Variants in ADAMTSL1 observed in about 807,000 individuals in gnomAD.
ADAMTSL1 encodes ADAMTS-like protein 1.
ADAMTSL1 carries 126 observed loss-of-function variants against 201.8 expected under a neutral mutation model. The observed-to-expected ratio is 0.62, with a 90% CI of 0.54 to 0.72. ADAMTSL1 has a LOEUF of 0.72. ADAMTSL1 is among the 30% of genes least tolerant of loss of function. The probability of loss-of-function intolerance (pLI) is 0.00; values close to 1 mark genes in which losing one functional copy is unlikely to be tolerated. For synonymous variants in ADAMTSL1, 1,121 were observed against 903.4 expected, an observed-to-expected ratio of 1.24 and a Z score of -4.32; for missense variants, 2,679 against 2,277.8, an observed-to-expected ratio of 1.18 and a Z score of -3.59.
At chr9:17,963,373 G>A (rs534742696) in intron 1 of ADAMTSL1, among the ~76,000 whole-genome samples, 10 of 152,254 alleles carry the variant, frequency 6.6e-5, no homozygotes, top group African/African-American at 2.4e-4. Context: ...TGGACATTTT[G>A]AGGGGAAAGT....
intron 13 of ADAMTSL1, among the ~76,000 whole-genome samples, chr9:18,704,853 T>C (rs1237725671): frequency 6.6e-6 from 1 of 152,186 alleles, no homozygotes; most frequent in African/African-American, 2.4e-5. Context: ...TGAGATTTTC[T>C]TGGGATAATT....
At chr9:18,774,254 C>T (rs1820854299) in intron 17 of ADAMTSL1, among the ~76,000 whole-genome samples, 1 of 151,916 alleles carries the variant, frequency 6.6e-6, no homozygotes, top group Non-Finnish European at 1.5e-5. Flanking sequence ...TCATGTCACC[C>T]CCCTCTTCAG....
At chr9:18,296,272 C>G (rs770655509) in intron 2 of ADAMTSL1, among the ~76,000 whole-genome samples, 10 of 152,016 alleles carry the variant, frequency 6.6e-5, no homozygotes, top group Non-Finnish European at 1.5e-5. Context: ...AAAACATAAC[C>G]AAATATAATA....
intron 4 of ADAMTSL1, among the ~76,000 whole-genome samples, chr9:18,595,068 C>T (rs904204863): frequency 3.3e-5 from 5 of 152,160 alleles, no homozygotes; most frequent in African/African-American, 9.7e-5. Context: ...ACAAGTCTCA[C>T]AAATGCTCAG....
chr9:18,159,072 A>G (rs1453648531), intron 1 of ADAMTSL1, among the ~76,000 whole-genome samples: 3 of 152,060 alleles, frequency 2.0e-5, no homozygotes, highest in African/African-American at 4.8e-5. Context: ...GCATTTCAGT[A>G]TCCACTGATA....
At chr9:18,269,847 T>TC (rs890151196) in intron 2 of ADAMTSL1, among the ~76,000 whole-genome samples, 6 of 49,762 alleles carry the variant, frequency 1.2e-4, no homozygotes, top group Admixed American at 8.4e-4. Context: ...TCTTCATCCT[T>TC]TTTTTTTTTT....
At chr9:18,369,098 A>G (rs1262859581) in intron 2 of ADAMTSL1, among the ~76,000 whole-genome samples, 1 of 152,204 alleles carries the variant, frequency 6.6e-6, no homozygotes, top group African/African-American at 2.4e-5. Context: ...TCTATTAACT[A>G]TAGTTTATAT....
intron 2 of ADAMTSL1, among the ~76,000 whole-genome samples, chr9:18,402,418 A>C (rs895441568): frequency 1.3e-5 from 2 of 152,076 alleles, no homozygotes; most frequent in African/African-American, 2.4e-5. Context: ...TCAGCCCTCT[A>C]ATTGGCCACT....
chr9:18,751,769 G>T lies in ADAMTSL1; in HGVS notation c.2007-1529G>T, dbSNP rs561364454. ...GTGTTTTAAATATGGATTATATTTG[G>T]ATATATAGAAATGAAAGACATTTTG... is the stretch of plus-strand genomic sequence containing the variant. On this transcript the variant is annotated intron_variant, in intron 15 of 28. Coordinates refer to ENST00000380548, the MANE Select transcript of ADAMTSL1 (RefSeq NM_001040272.6). Among the ~76,000 whole-genome samples, 6 of 152,250 alleles carry T rather than the reference G, an allele frequency of 3.9e-5. No individual in the cohort carries two copies. In the East Asian group the frequency reaches 9.7e-4, roughly 25 times the overall value.
At chr9:17,981,438 C>T (rs1272438143) in intron 1 of ADAMTSL1, among the ~76,000 whole-genome samples, 1 of 152,212 alleles carries the variant, frequency 6.6e-6, no homozygotes, top group African/African-American at 2.4e-5. Flanking sequence ...TCTAAAGTCA[C>T]TACAGGTCTC....
chr9:18,452,996 C>T (rs1437163024), intron 2 of ADAMTSL1, among the ~76,000 whole-genome samples: 5 of 152,212 alleles, frequency 3.3e-5, no homozygotes, highest in East Asian at 1.9e-4. Context: ...AGGAGCTCTC[C>T]GCAGTGGCTC....
rs545770532 is a variant in ADAMTSL1 at position 18,839,565 on chromosome 9, G to T, written c.4249+9588G>T. 7.2e-5 allele frequency among the ~76,000 whole-genome samples: 11 copies of T among 152,204 alleles called. No homozygotes were observed. The South Asian group carries it at 2.3e-3, about 32-fold the overall frequency. The stretch of plus-strand genomic sequence containing the variant: ...TATATACCCAGTAATGGGATGGCTG[G>T]GTCAAATGGTATTTCTAGTTCTAGA... On this transcript the variant is annotated intron_variant, in intron 23 of 28. Coordinates refer to ENST00000380548, the MANE Select transcript of ADAMTSL1 (RefSeq NM_001040272.6).
chr9:17,939,007 C>T (rs1827125085), intron 1 of ADAMTSL1, among the ~76,000 whole-genome samples: 1 of 152,146 alleles, frequency 6.6e-6, no homozygotes, highest in African/African-American at 2.4e-5. Flanking sequence ...TTTATGGCCT[C>T]TCCACACTGA....
chr9:18,206,738 A>C (rs78089934), intron 2 of ADAMTSL1, among the ~76,000 whole-genome samples: 4 of 152,298 alleles, frequency 2.6e-5, no homozygotes, highest in Admixed American at 2.6e-4. Context: ...AGAAGTCATA[A>C]TTACTTATTT....
At position 18,648,364 on chromosome 9, in the gene ADAMTSL1, A is replaced by T. The variant is rs1479899653; in HGVS notation, c.834+8953A>T. ...CCAATTTGCCAGTCTGTGTCTTTTA[A>T]TTGGCGCATTTAGTCCATTTACATT... On this transcript the variant is annotated intron_variant, in intron 7 of 28. Coordinates refer to ENST00000380548, the MANE Select transcript of ADAMTSL1 (RefSeq NM_001040272.6). 2.0e-5 allele frequency among the ~76,000 whole-genome samples: 3 copies of T among 151,118 alleles called. No homozygotes were observed. The East Asian group carries it at 5.8e-4, about 29-fold the overall frequency.
intron 2 of ADAMTSL1, among the ~76,000 whole-genome samples, chr9:18,250,604 G>A (rs926375419): frequency 3.3e-5 from 5 of 152,120 alleles, no homozygotes; most frequent in East Asian, 1.9e-4. Context: ...CCTCAGCTAC[G>A]GAGTTGATCT....
chr9:18,892,515 C>G lies in ADAMTSL1; in HGVS notation c.4770C>G (p.Thr1590=). 1.2e-6 allele frequency: 2 copies of G among 1,600,416 alleles called. No homozygotes were observed. The highest frequency in any genetic ancestry group is 1.7e-6 in the Non-Finnish European group (2 of 1,173,554). ...CCCCTGTGTCCAATGACATGTGCACCCAGGTCGCCAAGCGGCCTGTGGACA... is the reference window on the plus strand; with the variant it reads ...CCCCTGTGTCCAATGACATGTGCACGCAGGTCGCCAAGCGGCCTGTGGACA... ...ISTPVSNDMC[T]QVAKRPVDTQ... is the part of the protein sequence containing the mutation. The change falls in exon 26 of 29, where the codon ACC becomes ACG. Residue 1590 remains threonine, a synonymous_variant. Transcript: ENST00000380548.
intron 2 of ADAMTSL1, among the ~76,000 whole-genome samples, chr9:18,438,866 G>A (rs1819870516): frequency 1.3e-5 from 2 of 152,172 alleles, no homozygotes; most frequent in South Asian, 4.2e-4. Flanking sequence ...CCCCAAGTGT[G>A]CACGGTCCAC....
intron 26 of ADAMTSL1, 38 bp downstream of exon 26, chr9:18,892,634 C>G (rs1475709966): frequency 1.3e-6 from 2 of 1,543,882 alleles, no homozygotes; most frequent in African/African-American, 2.7e-5. Flanking sequence ...AAAGCTAAAT[C>G]TAAAGGAATG....
Sources: allele counts gnomAD v4.1 joint callset (sites outside exome capture counted in the v4.1 genomes callset), GRCh38; gene constraint gnomAD v4.1.1; transcripts MANE v1.5; gene names NCBI Gene and HGNC (gene_info 2026-07-23, HGNC 2026-07-21).